The following NCK1 variants were observed in gnomAD, a reference collection of about 807,000 sequenced individuals.
The protein encoded by NCK1 is NCK adaptor protein 1, also known as SH2/SH3 adapter protein NCK1.
NCK1 carries 19 observed loss-of-function variants against 36.6 expected under a neutral mutation model. That is an observed-to-expected ratio of 0.52 (90% CI 0.36 to 0.76). The LOEUF is 0.76. Ranked by LOEUF, NCK1 falls within the 30% of genes least tolerant of loss-of-function variation. The pLI, the probability that NCK1 is intolerant of heterozygous loss-of-function variation, is 0.00. For missense variants in NCK1, 358 were observed against 445.6 expected, an observed-to-expected ratio of 0.80 and a Z score of 1.77; for synonymous variants, 165 against 156.0, an observed-to-expected ratio of 1.06 and a Z score of -0.43.
intron 2 of NCK1, chr3:136,930,666 T>C (rs1940367680): frequency 8.0e-7 from 1 of 1,257,460 alleles, no homozygotes; most frequent in Non-Finnish European, 1.0e-6. Context: ...TTTGTAAATT[T>C]AAAGGAAAAC....
intron 1 of NCK1, among the ~76,000 whole-genome samples, chr3:136,864,683 A>G (rs929819611): frequency 1.3e-5 from 2 of 152,182 alleles, no homozygotes; most frequent in East Asian, 3.9e-4. Context: ...TTAAGAAAAT[A>G]TAAAAAAATT....
At chr3:136,871,797 G>T (rs893266655) in intron 1 of NCK1, among the ~76,000 whole-genome samples, 1 of 152,204 alleles carries the variant, frequency 6.6e-6, no homozygotes, top group African/African-American at 2.4e-5. Context: ...TGCTGTTCTT[G>T]TGATAGTGAA....
At chr3:136,927,272 G>A (rs373714308) in intron 1 of NCK1, among the ~76,000 whole-genome samples, 1 of 152,036 alleles carries the variant, frequency 6.6e-6, no homozygotes, top group African/African-American at 2.4e-5. Flanking sequence ...AGGCCTGGCC[G>A]TTTTTATTTC....
intron 1 of NCK1, among the ~76,000 whole-genome samples, chr3:136,866,071 A>G (rs1203886538): frequency 6.6e-6 from 1 of 152,128 alleles, no homozygotes; most frequent in Non-Finnish European, 1.5e-5. Context: ...CACATCCTTC[A>G]CTTTTCGGAA....
intron 1 of NCK1, among the ~76,000 whole-genome samples, chr3:136,884,951 C>T (rs1239407135): frequency 6.6e-6 from 1 of 152,056 alleles, no homozygotes; most frequent in Non-Finnish European, 1.5e-5. Context: ...GAACTCCTGA[C>T]CTCAAGTGAT....
intron 1 of NCK1, among the ~76,000 whole-genome samples, chr3:136,877,431 A>G (rs1462620892): frequency 6.6e-6 from 1 of 152,240 alleles, no homozygotes; most frequent in African/African-American, 2.4e-5. Flanking sequence ...TTAGAACAGA[A>G]CCATGAAAAT....
intron 1 of NCK1, among the ~76,000 whole-genome samples, chr3:136,889,790 C>G (rs1032564091): frequency 6.6e-6 from 1 of 152,180 alleles, no homozygotes; most frequent in Non-Finnish European, 1.5e-5. Flanking sequence ...GGTGCATTCA[C>G]AAACCCTGAG....
At chr3:136,944,783 T>TA (rs757583152) in intron 2 of NCK1, among the ~76,000 whole-genome samples, 2 of 152,202 alleles carry the variant, frequency 1.3e-5, no homozygotes, top group Admixed American at 6.5e-5. Context: ...AAGTAGAGCA[T>TA]AAAATCACAC....
chr3:136,885,325 CT>C (rs1469414517), intron 1 of NCK1, among the ~76,000 whole-genome samples: 1 of 152,126 alleles, frequency 6.6e-6, no homozygotes. Context: ...AGGGAATTGT[CT>C]TTTCCAGCTG....
chr3:136,894,828 G>A (rs1939348890), intron 1 of NCK1, among the ~76,000 whole-genome samples: 1 of 151,796 alleles, frequency 6.6e-6, no homozygotes, highest in African/African-American at 2.4e-5. Context: ...AATCTTATTA[G>A]TACTTTTAAT....
At chr3:136,875,967 T>C (rs1295405622) in intron 1 of NCK1, among the ~76,000 whole-genome samples, 1 of 152,086 alleles carries the variant, frequency 6.6e-6, no homozygotes, top group Non-Finnish European at 1.5e-5. Context: ...CAGGCCACAG[T>C]GCAATCAAAC....
chr3:136,924,373 A>G (rs1432495386), intron 1 of NCK1, among the ~76,000 whole-genome samples: 1 of 152,222 alleles, frequency 6.6e-6, no homozygotes, highest in Admixed American at 6.5e-5. Flanking sequence ...GATGTGGGAA[A>G]TGCTACAGGA....
chr3:136,944,111 C>CTTTTTTTTTTTTTTTTTTT (rs1560055771), intron 2 of NCK1, among the ~76,000 whole-genome samples: 1 of 80,926 alleles, frequency 1.2e-5, no homozygotes, highest in Non-Finnish European at 2.2e-5. Context: ...GGAAAAACAA[C>CTTTTTTTTTTTTTTTTTTT]CTTTTTTTTT....
intron 3 of NCK1, 26 bp downstream of exon 3, chr3:136,946,321 C>A: frequency 6.5e-7 from 1 of 1,546,456 alleles, no homozygotes; most frequent in Non-Finnish European, 8.9e-7. Flanking sequence ...GAGGTAAATA[C>A]AAATAGAGCT....
chr3:136,891,909 G>A (rs1021645021), intron 1 of NCK1, among the ~76,000 whole-genome samples: 4 of 152,094 alleles, frequency 2.6e-5, no homozygotes, highest in Non-Finnish European at 5.9e-5. Context: ...TCTTTTTAGA[G>A]ACAAAGTCTC....
intron 2 of NCK1, among the ~76,000 whole-genome samples, chr3:136,932,289 C>G (rs1487017112): frequency 6.6e-6 from 1 of 152,090 alleles, no homozygotes; most frequent in Non-Finnish European, 1.5e-5. Flanking sequence ...TGTTTCTTTG[C>G]TCAATCCCTG....
chr3:136,924,238 C>T (rs1010797679), intron 1 of NCK1, among the ~76,000 whole-genome samples: 3 of 152,226 alleles, frequency 2.0e-5, no homozygotes, highest in Non-Finnish European at 4.4e-5. Flanking sequence ...GAATACTTAA[C>T]GAATTATTCT....
At chr3:136,941,665 T>TA (rs1378670824) in intron 2 of NCK1, among the ~76,000 whole-genome samples, 23 of 151,848 alleles carry the variant, frequency 1.5e-4, no homozygotes, top group Admixed American at 1.2e-3. Flanking sequence ...AAATTTTTGT[T>TA]TTATGCATTT....
Position 136,946,222 on chromosome 3 carries a change from G to A in NCK1, c.866G>A (p.Arg289Lys). ...GNPWYYGKVT[R>K]HQAEMALNER... ...CCTTGGTATTATGGCAAAGTCACCA[G>A]GCATCAAGCAGAAATGGCATTAAAT... Residue 289 changes from arginine (R) to lysine (K), a missense_variant, in exon 3 of 4, where the codon AGG becomes AAG. Coordinates refer to ENST00000481752, the MANE Select transcript of NCK1 (RefSeq NM_001291999.2). 1.2e-6 allele frequency: 2 copies of A among 1,613,392 alleles called. No individual in the cohort carries two copies. Among genetic ancestry groups the A allele is most frequent in the Non-Finnish European group, 1.7e-6 (2 of 1,179,898 alleles).
Sources: gnomAD v4.1 joint callset for allele counts (sites outside exome capture counted in the v4.1 genomes callset) on GRCh38, gnomAD v4.1.1 for gene constraint, MANE v1.5 for transcripts, NCBI Gene and HGNC (gene_info 2026-07-23, HGNC 2026-07-21) for gene names.